PARD6G: variants seen among roughly 807,000 people sequenced by gnomAD.
PARD6G encodes the protein par-6 family cell polarity regulator gamma.
A neutral mutation model predicts 10.7 loss-of-function variants in PARD6G; 7 were observed. The ratio of observed to expected loss-of-function variants is 0.66; its 90% CI spans 0.37 to 1.23. The LOEUF is 1.23. PARD6G is among the 50% of genes most tolerant of loss of function. The pLI is 0.02. For missense variants in PARD6G, 548 were observed against 571.8 expected, an observed-to-expected ratio of 0.96 and a Z score of 0.42; for synonymous variants, 287 against 269.4, an observed-to-expected ratio of 1.07 and a Z score of -0.64.
intron 1 of PARD6G, among the ~76,000 whole-genome samples, chr18:80,243,102 C>T (rs1163671632): frequency 1.3e-5 from 2 of 151,924 alleles, no homozygotes; most frequent in African/African-American, 4.8e-5. Flanking sequence ...TTAATATAAT[C>T]AATAATCTTT....
chr18:80,204,878 G>C (rs1344156453), intron 1 of PARD6G, among the ~76,000 whole-genome samples: 1 of 152,122 alleles, frequency 6.6e-6, no homozygotes, highest in African/African-American at 2.4e-5. Context: ...CTTGAACCTG[G>C]GAGGTGGAGG....
At chr18:80,241,264 GACA>G (rs1193025031) in intron 1 of PARD6G, among the ~76,000 whole-genome samples, 5 of 152,136 alleles carry the variant, frequency 3.3e-5, no homozygotes, top group Non-Finnish European at 5.9e-5. Flanking sequence ...AGCAGCCACG[GACA>G]ACTGGTGGTT....
intron 2 of PARD6G, among the ~76,000 whole-genome samples, chr18:80,186,148 G>A (rs34911990): frequency 0.23 from 26,468 of 114,278 alleles, 3,158 homozygotes; most frequent in African/African-American, 0.39. Context: ...ACCCTCACGC[G>A]GGCTTGCACA....
In PARD6G at chr18:80,192,371, G is replaced by GT. The variant is rs1331211558; in HGVS notation, c.295+10338dup. ...AGCAGATCTGTTTTGGAGCCCTTAG[G>GT]TGAGGCCTCAACTGAATGCCAACCC... On this transcript the variant is annotated intron_variant, in intron 2 of 2. Coordinates refer to ENST00000353265, the MANE Select transcript of PARD6G (RefSeq NM_032510.4). This position sits in a 1 kb window ranked among gnomAD's most constrained non-coding sequence, Gnocchi z 4.9. Among the ~76,000 whole-genome samples the GT allele has an allele frequency of 6.6e-6, 1 of 152,196 alleles. No homozygotes were observed. The highest frequency in any genetic ancestry group is 6.5e-5 in the Admixed American group (1 of 15,290).
In PARD6G at chr18:80,161,567, GAA is replaced by G. The variant is rs1264559534; in HGVS notation, c.296-963_296-962del. Reference sequence around the variant, plus strand: ...TGAATAATGCATTTTCCTCATGTCAGAAAAAAAATCTTGTTTCATTAATTTTT... The same window carrying G: ...TGAATAATGCATTTTCCTCATGTCAGAAAAAATCTTGTTTCATTAATTTTT... On this transcript the variant is annotated intron_variant, in intron 2 of 2. Coordinates refer to ENST00000353265, the MANE Select transcript of PARD6G (RefSeq NM_032510.4). The surrounding 1 kb of genome is among the most constrained non-coding windows in gnomAD (Gnocchi z 4.6). 6.6e-6 allele frequency among the ~76,000 whole-genome samples: 1 copy of G among 151,784 alleles called. No homozygotes were observed. The highest frequency in any genetic ancestry group is 1.9e-4 in the East Asian group (1 of 5,178).
At chr18:80,235,172 T>A (rs1967405775) in intron 1 of PARD6G, among the ~76,000 whole-genome samples, 2 of 152,142 alleles carry the variant, frequency 1.3e-5, no homozygotes. Context: ...CAGACCACAG[T>A]GCAATCAAAC....
At chr18:80,233,782 G>A (rs1967387050) in intron 1 of PARD6G, among the ~76,000 whole-genome samples, 1 of 152,146 alleles carries the variant, frequency 6.6e-6, no homozygotes, top group African/African-American at 2.4e-5. Context: ...TGTCCATCCT[G>A]TCTCAGAAGC....
rs201500669 is a variant in PARD6G, at chr18:80,194,791, AG to A, written c.295+7918del. Among the ~76,000 whole-genome samples, 1,493 of 152,216 alleles carry A rather than the reference AG, an allele frequency of 9.8e-3. 13 individuals carry two copies. The highest frequency in any genetic ancestry group is 0.018 in the Non-Finnish European group (1,233 of 67,996). On this transcript the variant is annotated intron_variant, in intron 2 of 2. Transcript: ENST00000353265. The stretch of plus-strand genomic sequence containing the variant: ...ACTAGGAAAGAGATGGACATAACTG[AG>A]GGGGGAAATGATACCCATGGGAACA...
At chr18:80,202,658 T>A (rs1487365574) in intron 2 of PARD6G, 52 bp downstream of exon 2, 3 of 1,531,076 alleles carry the variant, frequency 2.0e-6, no homozygotes, top group Admixed American at 1.7e-5. Context: ...AAAACTGTAT[T>A]TTAAAAATGA....
At chr18:80,167,629 G>GTCC (rs1278008958) in intron 2 of PARD6G, among the ~76,000 whole-genome samples, 1 of 152,114 alleles carries the variant, frequency 6.6e-6, no homozygotes, top group Non-Finnish European at 1.5e-5. Context: ...ACCCAGGCCT[G>GTCC]TCCTCTCTTC....
chr18:80,240,685 C>T lies in PARD6G; in HGVS notation c.72+6592G>A, dbSNP rs915009177. On this transcript the variant is annotated intron_variant, in intron 1 of 2. Coordinates refer to ENST00000353265, the MANE Select transcript of PARD6G (RefSeq NM_032510.4). The stretch of plus-strand genomic sequence containing the variant: ...CACCTCACACAGGCATCACTGTTGC[C>T]GATGCAGAGACTATCAGAGCAATTT... Among the ~76,000 whole-genome samples, 4 of 152,138 alleles carry T rather than the reference C, an allele frequency of 2.6e-5. No homozygotes were observed. The East Asian group carries it at 5.8e-4, about 22-fold the overall frequency.
At chr18:80,187,267 G>T (rs1033201344) in intron 2 of PARD6G, among the ~76,000 whole-genome samples, 2 of 152,196 alleles carry the variant, frequency 1.3e-5, no homozygotes, top group African/African-American at 4.8e-5. Flanking sequence ...GCACGCGTGG[G>T]TGGGTGCTGT....
rs2145270108 is a variant in PARD6G, at chr18:80,188,969, G to A, written c.295+13741C>T. On this transcript the variant is annotated intron_variant, in intron 2 of 2. Transcript: ENST00000353265. This position sits in a 1 kb window ranked among gnomAD's most constrained non-coding sequence, Gnocchi z 5.4. ...AAGAGTAGTGCTCATCCCAGCAGAG[G>A]CAGCAAGGTAGGCGTTGCCCAGCCC... Among the ~76,000 whole-genome samples, 1 of 152,344 alleles carries A rather than the reference G, an allele frequency of 6.6e-6. No homozygotes were observed. Among genetic ancestry groups the A allele is most frequent in the East Asian group, 1.9e-4 (1 of 5,186 alleles).
At chr18:80,172,810 T>C (rs547320314) in intron 2 of PARD6G, among the ~76,000 whole-genome samples, 10 of 152,384 alleles carry the variant, frequency 6.6e-5, no homozygotes, top group African/African-American at 1.9e-4. Flanking sequence ...ATAGCGTCCA[T>C]TGACGTACAG....
At chr18:80,195,070 C>T (rs1966938497) in intron 2 of PARD6G, among the ~76,000 whole-genome samples, 1 of 152,098 alleles carries the variant, frequency 6.6e-6, no homozygotes, top group Non-Finnish European at 1.5e-5. Context: ...TCGAGATGAT[C>T]ATTGGCCTAA....
intron 1 of PARD6G, among the ~76,000 whole-genome samples, chr18:80,220,253 C>T (rs903200101): frequency 6.6e-6 from 1 of 152,196 alleles, no homozygotes; most frequent in Non-Finnish European, 1.5e-5. Flanking sequence ...ATCACAAAAA[C>T]AGCATAGAGG....
chr18:80,159,840 G>T lies in PARD6G; in HGVS notation c.1062C>A (p.Ala354=). The T allele has an allele frequency of 6.7e-7, 1 of 1,493,274 alleles. No homozygotes were observed. Among genetic ancestry groups the T allele is most frequent in the South Asian group, 1.3e-5 (1 of 77,060 alleles). The allele number at this position is 1,493,274 out of a possible 1,614,324, so 92.5% of individuals were successfully genotyped here. A position where few individuals can be genotyped will look rare whatever the true frequency, so the allele number is the denominator to read the frequency against. ...GLQRLLSSLR[A]DPRHSLALPP... ...GCAGCGCCAGGCTGTGACGGGGGTC[G>T]GCCCGCAGGGAGCTGAGCAGCCGCT... The change falls in exon 3 of 3, where the codon GCC becomes GCA. Residue 354 remains alanine (A), a synonymous_variant. Coordinates refer to ENST00000353265, the MANE Select transcript of PARD6G (RefSeq NM_032510.4).
chr18:80,189,599 G>A lies in PARD6G; in HGVS notation c.295+13111C>T, dbSNP rs2052896621. ...TTACCCGCTAACTGACACCACGTCA[G>A]GAGCCCACCAGGCCAGGCAGGTCAC... On this transcript the variant is annotated intron_variant, in intron 2 of 2. Coordinates refer to ENST00000353265, the MANE Select transcript of PARD6G (RefSeq NM_032510.4). This position sits in a 1 kb window ranked among gnomAD's most constrained non-coding sequence, Gnocchi z 5.5. Among the ~76,000 whole-genome samples, 1 of 152,140 alleles carries A rather than the reference G, an allele frequency of 6.6e-6. No individual in the cohort carries two copies. The highest frequency in any genetic ancestry group is 2.1e-4 in the South Asian group (1 of 4,826).
intron 2 of PARD6G, among the ~76,000 whole-genome samples, chr18:80,179,807 A>T (rs2052838673): frequency 6.6e-6 from 1 of 152,264 alleles, no homozygotes; most frequent in South Asian, 2.1e-4. Context: ...GAACTCTGCC[A>T]AGACACTGTT....
Sources: allele counts gnomAD v4.1 joint callset (sites outside exome capture counted in the v4.1 genomes callset), GRCh38; gene constraint gnomAD v4.1.1; non-coding constraint Gnocchi (gnomAD v3.1); transcripts MANE v1.5; gene names NCBI Gene and HGNC (gene_info 2026-07-23, HGNC 2026-07-21).